HUWE1: variants seen among roughly 807,000 people sequenced by gnomAD.
HUWE1 encodes the protein E3 ubiquitin-protein ligase HUWE1.
In HUWE1, 18 loss-of-function variants were observed where a neutral mutation model predicts 299.4. That is an observed-to-expected ratio of 0.06 (90% CI 0.04 to 0.09). HUWE1 has a LOEUF of 0.09. HUWE1 is among the 10% of genes least tolerant of loss of function. The probability of loss-of-function intolerance (pLI) is 1.00; values close to 1 mark genes in which losing one functional copy is unlikely to be tolerated. For synonymous variants in HUWE1, 1,317 were observed against 1,286.1 expected, an observed-to-expected ratio of 1.02 and a Z score of -0.51; for missense variants, 1,832 against 3,462.3, an observed-to-expected ratio of 0.53 and a Z score of 11.82.
Position 53,594,552 on chromosome X carries a change from G to A in HUWE1, c.3450C>T (p.Tyr1150=). 2.5e-6 allele frequency: 3 copies of A among 1,207,095 alleles called. No individual in the cohort carries two copies. The highest frequency in any genetic ancestry group is 2.2e-6 in the Non-Finnish European group (2 of 891,290). ...AGAGAAATTTTTGCAGCATGAGGTG[G>A]TAGGGATACTTCCTCTCATCAAACA... The part of the protein sequence containing the change: ...PMLFDERKYP[Y]HLMLQKFLCS... The change falls in exon 31 of 84, where the codon TAC becomes TAT. Residue 1150 remains tyrosine, a synonymous_variant. Transcript: ENST00000262854.
In HUWE1 at chrX:53,588,507, T is replaced by C. The variant is rs1176442120; in HGVS notation, c.4489A>G (p.Lys1497Glu). ...QVWEAADVLI[K>E]AALPLTTSDT... ...CTTGTTGTCAGGGGAAGAGCAGCTT[T>C]GATCAATACATCAGCAGCTTCCCAC... The change falls in exon 37 of 84, where the codon AAA becomes GAA. Residue 1497 changes from lysine to glutamate, a missense_variant. Around this residue, in one of 15 missense-constraint regions of HUWE1, gnomAD observed 658 missense variants for 1,282.6 expected, o/e 0.51. Transcript: ENST00000262854. The C allele has an allele frequency of 8.3e-7, 1 of 1,204,284 alleles. No individual in the cohort carries two copies. The highest frequency in any genetic ancestry group is 1.1e-6 in the Non-Finnish European group (1 of 892,362).
intron 80 of HUWE1, among the ~76,000 whole-genome samples, 169 bp from the exon 81 acceptor site, chrX:53,535,670 G>C (rs2061008850): frequency 8.9e-6 from 1 of 111,777 alleles, no homozygotes; most frequent in African/African-American, 3.3e-5. Context: ...TCCCCTTATA[G>C]GGAAAGGCTT....
intron 68 of HUWE1, 129 bp downstream of exon 68, chrX:53,547,544 A>G: frequency 1.0e-6 from 1 of 1,001,211 alleles, no homozygotes; most frequent in African/African-American, 1.9e-5. Context: ...GAGAATGAAC[A>G]CATTCTGTTC....
intron 3 of HUWE1, 141 bp from the exon 4 acceptor site, chrX:53,654,272 C>A: frequency 2.1e-6 from 1 of 467,728 alleles, no homozygotes; most frequent in Admixed American, 3.3e-5. Flanking sequence ...GCTATGCCAA[C>A]TCAGAGGCAC....
In HUWE1 at chrX:53,617,037, G is replaced by A. The variant is rs2065844493; in HGVS notation, c.1890C>T (p.Leu630=). Reference sequence around the variant, plus strand: ...AATCTGGAGACAGAAGAACTTTGAAGAGGCGTTCAAAAGGCTGACACTGAA... The same window carrying A: ...AATCTGGAGACAGAAGAACTTTGAAAAGGCGTTCAAAAGGCTGACACTGAA... The part of the protein sequence containing the change: ...SFVQCQPFER[L]FKVLLSPDYL... Residue 630 remains leucine (L), a synonymous_variant, in exon 21 of 84, where the codon CTC becomes CTT. Coordinates refer to ENST00000262854, the MANE Select transcript of HUWE1 (RefSeq NM_031407.7). 1 of 1,210,284 alleles carries A rather than the reference G, an allele frequency of 8.3e-7. No homozygotes were observed. The highest frequency in any genetic ancestry group is 1.1e-6 in the Non-Finnish European group (1 of 894,153).
At chrX:53,658,028 C>T (rs1440369826) in intron 3 of HUWE1, among the ~76,000 whole-genome samples, 1 of 53,826 alleles carries the variant, frequency 1.9e-5, no homozygotes, top group Non-Finnish European at 3.1e-5. Flanking sequence ...CAGCCTGGGG[C>T]GACAAAGCAA....
chrX:53,563,062 C>T, intron 52 of HUWE1, 133 bp from the exon 53 acceptor site: 1 of 518,561 alleles, frequency 1.9e-6, no homozygotes, highest in African/African-American at 2.3e-5. Context: ...CCTGGATTGT[C>T]TGCTGTCAGC....
intron 3 of HUWE1, among the ~76,000 whole-genome samples, chrX:53,656,971 C>G (rs1226549843): frequency 7.3e-5 from 8 of 110,173 alleles, no homozygotes; most frequent in African/African-American, 2.6e-4. Flanking sequence ...ACAAATGGTG[C>G]CAGAGAAAGC....
intron 82 of HUWE1, 76 bp from the exon 83 acceptor site, chrX:53,534,273 A>T: frequency 1.1e-6 from 1 of 925,869 alleles, no homozygotes. Context: ...GGAATCTAGG[A>T]AACAGGACTG....
chrX:53,634,101 C>G, intron 8 of HUWE1, 135 bp downstream of exon 8: 1 of 543,724 alleles, frequency 1.8e-6, no homozygotes, highest in African/African-American at 2.3e-5. Context: ...TCAGCTATGT[C>G]TGAACTGATC....
chrX:53,542,412 T>C, intron 74 of HUWE1, 31 bp downstream of exon 74: 1 of 966,650 alleles, frequency 1.0e-6, no homozygotes, highest in East Asian at 3.0e-5. Context: ...CTATCCCTTT[T>C]GCTCGGCTGG....
chrX:53,628,686 AT>A, intron 14 of HUWE1, 65 bp downstream of exon 14: 1 of 1,206,234 alleles, frequency 8.3e-7, no homozygotes, highest in South Asian at 1.8e-5. Flanking sequence ...CAGGCAGGAT[AT>A]TAAAAAGACA....
At chrX:53,566,864 GT>G (rs1394726033) in intron 49 of HUWE1, among the ~76,000 whole-genome samples, 2 of 110,658 alleles carry the variant, frequency 1.8e-5, no homozygotes, top group African/African-American at 6.6e-5. Flanking sequence ...AATGTAGACT[GT>G]GAGATGTTCT....
intron 49 of HUWE1, 24 bp downstream of exon 49, chrX:53,568,668 C>A: frequency 8.4e-7 from 1 of 1,195,882 alleles, no homozygotes; most frequent in Non-Finnish European, 1.1e-6. Flanking sequence ...GAAGGAAAAG[C>A]CTGGGGCTGG....
chrX:53,615,665 C>G lies in HUWE1; in HGVS notation c.2049+79G>C, dbSNP rs782715143. The G allele has an allele frequency of 4.2e-5, 30 of 722,424 alleles. No homozygotes were observed. In the African/African-American group the frequency reaches 6.1e-4, roughly 15 times the overall value. 59.5% of individuals were successfully genotyped at this position (722,424 alleles called of 1,213,427 possible). A position where few individuals can be genotyped will look rare whatever the true frequency, so the allele number is the denominator to read the frequency against. On this transcript the variant is annotated intron_variant, in intron 22 of 83. Transcript: ENST00000262854. Reference sequence around the variant, plus strand: ...AGCTATAGCCCAAGAATCCTAATGACCTCTAGTAGGCCAATCTTCTAAAAC... The same window carrying G: ...AGCTATAGCCCAAGAATCCTAATGAGCTCTAGTAGGCCAATCTTCTAAAAC...
At chrX:53,579,851 T>C (rs1158331539) in intron 43 of HUWE1, 1 of 98,837 alleles carries the variant, frequency 1.0e-5, no homozygotes, top group African/African-American at 3.7e-5. Context: ...ACCAGAGACC[T>C]TTGTTCACTT....
chrX:53,669,618 T>C (rs2069417983), intron 3 of HUWE1, among the ~76,000 whole-genome samples: 1 of 112,560 alleles, frequency 8.9e-6, no homozygotes, highest in African/African-American at 3.2e-5. Flanking sequence ...ACTAAACAGC[T>C]AAAAGTAACC....
At chrX:53,660,768 C>A (rs782382864) in intron 3 of HUWE1, among the ~76,000 whole-genome samples, 1 of 111,098 alleles carries the variant, frequency 9.0e-6, no homozygotes, top group Non-Finnish European at 1.9e-5. Flanking sequence ...GGCTTATTAG[C>A]ACACAGAACC....
At position 53,667,869 on chromosome X, in the gene HUWE1, A is replaced by G. The variant is rs781817496; in HGVS notation, c.-25+12180T>C. 4.1e-4 allele frequency among the ~76,000 whole-genome samples: 46 copies of G among 111,849 alleles called. No individual in the cohort carries two copies. In the Middle Eastern group the frequency reaches 0.019, roughly 45 times the overall value. On this transcript the variant is annotated intron_variant, in intron 3 of 83. Coordinates refer to ENST00000262854, the MANE Select transcript of HUWE1 (RefSeq NM_031407.7). ...GGTCAACAGCTTTCATTGGCTTCTT[A>G]AAAGGATCTATGACCTGAAGAACAT...
Sources: allele counts gnomAD v4.1 joint callset (sites outside exome capture counted in the v4.1 genomes callset), GRCh38; gene constraint gnomAD v4.1.1; regional missense constraint gnomAD v4.1.1; transcripts MANE v1.5; gene names NCBI Gene and HGNC (gene_info 2026-07-23, HGNC 2026-07-21).